Variants in CDH1 observed in about 807,000 individuals in gnomAD.
CDH1 encodes the protein cadherin 1, also known as cadherin-1.
In CDH1, 35 loss-of-function variants were observed where a neutral mutation model predicts 84.5. The observed-to-expected ratio is 0.41, with a 90% CI of 0.32 to 0.55. The LOEUF (loss-of-function observed/expected upper bound fraction) is 0.55. Ranked by LOEUF, CDH1 falls within the 20% of genes least tolerant of loss-of-function variation. The probability of loss-of-function intolerance (pLI) is 0.19; values close to 1 mark genes in which losing one functional copy is unlikely to be tolerated. For missense variants in CDH1, 994 were observed against 1,126.6 expected (o/e 0.88, Z 1.68); for synonymous variants, 417 against 439.0 (o/e 0.95, Z 0.63).
chr16:68,780,818 G>A (rs1191985342), intron 2 of CDH1, among the ~76,000 whole-genome samples: 1 of 152,194 alleles, frequency 6.6e-6, no homozygotes, highest in Non-Finnish European at 1.5e-5. Flanking sequence ...AGGGTAGTTG[G>A]TGACAAAGTC....
At chr16:68,790,590 G>T (rs148144102) in intron 2 of CDH1, among the ~76,000 whole-genome samples, 2 of 152,082 alleles carry the variant, frequency 1.3e-5, no homozygotes, top group Admixed American at 6.6e-5. Flanking sequence ...AAAATCAAAC[G>T]CATTTCCCTC....
At chr16:68,737,597 G>T (rs1962434325) in intron 1 of CDH1, 134 bp downstream of exon 1, 2 of 823,432 alleles carry the variant, frequency 2.4e-6, no homozygotes, top group Admixed American at 2.2e-5. Context: ...GAGCGGAGCG[G>T]CCTGGAAGCC....
intron 2 of CDH1, chr16:68,742,518 A>T (rs1487262420): frequency 6.3e-6 from 1 of 158,718 alleles, no homozygotes; most frequent in Non-Finnish European, 1.4e-5. Flanking sequence ...ATCTCGTCTG[A>T]TCTCGGAAGC....
chr16:68,756,531 C>T (rs1963023427), intron 2 of CDH1, among the ~76,000 whole-genome samples: 1 of 152,138 alleles, frequency 6.6e-6, no homozygotes, highest in Non-Finnish European at 1.5e-5. Context: ...AGCCCTAGAT[C>T]TCGTCTCTGT....
chr16:68,762,429 A>G (rs1959242612), intron 2 of CDH1, among the ~76,000 whole-genome samples: 2 of 152,098 alleles, frequency 1.3e-5, no homozygotes, highest in Admixed American at 1.3e-4. Context: ...GAGTAGTTTG[A>G]TGAGGGGCTC....
At chr16:68,751,002 C>G (rs1038103601) in intron 2 of CDH1, among the ~76,000 whole-genome samples, 3 of 152,114 alleles carry the variant, frequency 2.0e-5, no homozygotes, top group African/African-American at 7.2e-5. Flanking sequence ...CCAGCTGTTT[C>G]TCTATTCCCA....
intron 2 of CDH1, among the ~76,000 whole-genome samples, chr16:68,747,090 C>T (rs1962764904): frequency 6.6e-6 from 1 of 152,194 alleles, no homozygotes; most frequent in South Asian, 2.1e-4. Flanking sequence ...AGAGACCTCT[C>T]AGCAGGTAAT....
At chr16:68,766,467 T>C (rs1032627643) in intron 2 of CDH1, among the ~76,000 whole-genome samples, 1 of 152,116 alleles carries the variant, frequency 6.6e-6, no homozygotes, top group Non-Finnish European at 1.5e-5. Flanking sequence ...AAGGGCATCT[T>C]GTCTTCCGGT....
At chr16:68,829,050 C>T (rs183539901) in intron 14 of CDH1, among the ~76,000 whole-genome samples, 5 of 152,260 alleles carry the variant, frequency 3.3e-5, no homozygotes, top group South Asian at 2.1e-4. Context: ...GGAATCTCAG[C>T]GGCACACAAC....
At chr16:68,757,324 G>A (rs1420135765) in intron 2 of CDH1, among the ~76,000 whole-genome samples, 2 of 152,170 alleles carry the variant, frequency 1.3e-5, no homozygotes, top group African/African-American at 2.4e-5. Context: ...CAAGTGATCC[G>A]CCCACCTTGG....
At position 68,787,508 on chromosome 16, in the gene CDH1, AT is replaced by A. The variant is rs879379287; in HGVS notation, c.164-14148del. Among the ~76,000 whole-genome samples, 1,435 of 144,174 alleles carry A rather than the reference AT, an allele frequency of 1.0e-2. 14 individuals carry two copies. The highest frequency in any genetic ancestry group is 0.024 in the African/African-American group (949 of 39,632). 94.6% of individuals were successfully genotyped at this position (144,174 alleles called of 152,430 possible). A position where few individuals can be genotyped will look rare whatever the true frequency, so the allele number is the denominator to read the frequency against. ...TTTTGTTTTCAGTTTTTAGTTGTTG[AT>A]TTTTTTTTTTTTTAAATAGAGATGG... On this transcript the variant is annotated intron_variant, in intron 2 of 15. Transcript: ENST00000261769.
chr16:68,796,924 G>A (rs941163677), intron 2 of CDH1, among the ~76,000 whole-genome samples: 9 of 152,220 alleles, frequency 5.9e-5, no homozygotes, highest in Middle Eastern at 3.4e-3. Flanking sequence ...GATCGCTTGA[G>A]GCCAGGAGTT....
intron 9 of CDH1, among the ~76,000 whole-genome samples, chr16:68,813,900 C>T (rs1440305853): frequency 6.7e-6 from 1 of 149,592 alleles, no homozygotes; most frequent in Non-Finnish European, 1.5e-5. Flanking sequence ...CCATTGCACT[C>T]CAGCTCTGGG....
rs1358319984 is a variant in CDH1, at chr16:68,810,263, G to A, written c.754G>A (p.Val252Ile). Residue 252 changes from valine to isoleucine, a missense_variant, in exon 6 of 16, where the codon GTA becomes ATA. Around this residue, in one of 3 missense-constraint regions of CDH1, gnomAD observed 769 missense variants for 881.8 expected, o/e 0.87. Transcript: ENST00000261769. Reference protein sequence around the residue: ...VEDPMEILITVTDQNDNKPEF... With the variant: ...VEDPMEILITITDQNDNKPEF... ...GGATCCAATGGAGATTTTGATCACG[G>A]TAACCGATCAGAATGACAACAAGCC... 6.2e-7 allele frequency: 1 copy of A among 1,613,810 alleles called. No homozygotes were observed. The highest frequency in any genetic ancestry group is 8.5e-7 in the Non-Finnish European group (1 of 1,179,700).
chr16:68,797,498 C>T (rs1039065431), intron 2 of CDH1, among the ~76,000 whole-genome samples: 12 of 152,230 alleles, frequency 7.9e-5, no homozygotes, highest in African/African-American at 1.4e-4. Flanking sequence ...GCCTGGGCAA[C>T]GTAGTCAGAC....
In CDH1 at chr16:68,794,749, C is replaced by T. The variant is rs575878782; in HGVS notation, c.164-6921C>T. ...TCGCCCAGGCTGGAGTGCAGTGGCACGATCTTGGCTCACTGCAAGCTCCGA... is the reference window on the plus strand; with the variant it reads ...TCGCCCAGGCTGGAGTGCAGTGGCATGATCTTGGCTCACTGCAAGCTCCGA... On this transcript the variant is annotated intron_variant, in intron 2 of 15. Transcript: ENST00000261769. Among the ~76,000 whole-genome samples, 41 of 148,592 alleles carry T rather than the reference C, an allele frequency of 2.8e-4. No homozygotes were observed. The South Asian group carries it at 8.1e-3, about 29-fold the overall frequency.
At chr16:68,743,846 G>A (rs1962653938) in intron 2 of CDH1, among the ~76,000 whole-genome samples, 1 of 152,198 alleles carries the variant, frequency 6.6e-6, no homozygotes, top group South Asian at 2.1e-4. Flanking sequence ...TTACTTCTAT[G>A]AGTCTCAGTT....
At chr16:68,787,831 T>C (rs1035005456) in intron 2 of CDH1, among the ~76,000 whole-genome samples, 3 of 146,774 alleles carry the variant, frequency 2.0e-5, no homozygotes, top group African/African-American at 7.6e-5. Flanking sequence ...GCTAATTTTT[T>C]TTTTTTTTTT....
chr16:68,824,791 G>T (rs896825840), intron 13 of CDH1, among the ~76,000 whole-genome samples: 1 of 152,204 alleles, frequency 6.6e-6, no homozygotes, highest in African/African-American at 2.4e-5. Context: ...TACACACAGG[G>T]AGAAAGTACT....
Sources: gnomAD v4.1 joint callset for allele counts (sites outside exome capture counted in the v4.1 genomes callset) on GRCh38, gnomAD v4.1.1 for gene constraint, gnomAD v4.1.1 regional missense constraint, MANE v1.5 for transcripts, NCBI Gene and HGNC (gene_info 2026-07-23, HGNC 2026-07-21) for gene names.